The following AKAP11 variants were observed in gnomAD, a reference collection of about 807,000 sequenced individuals.
AKAP11 encodes A-kinase anchoring protein 11.
In AKAP11, 36 loss-of-function variants were observed where a neutral mutation model predicts 146.1. The ratio of observed to expected loss-of-function variants is 0.25; its 90% CI spans 0.19 to 0.33. The LOEUF (loss-of-function observed/expected upper bound fraction) is 0.33, where lower values mean the gene tolerates loss of function less well. Among genes scored for constraint, AKAP11 ranks in the 10% least tolerant of loss-of-function variants. The pLI, the probability that AKAP11 is intolerant of heterozygous loss-of-function variation, is 1.00. For synonymous variants in AKAP11, 780 were observed against 786.5 expected (o/e 0.99, Z 0.14); for missense variants, 2,201 against 2,197.0 (o/e 1.00, Z -0.04).
In AKAP11 at chr13:42,300,164, G is replaced by A; in HGVS notation, c.1418G>A (p.Gly473Asp). ...GAATGTTTTTGCCAAACAGATATTG[G>A]TGGAGATAGGATTCATGAAAATCAT... ...PAECFCQTDI[G>D]GDRIHENHDS... Residue 473 changes from glycine to aspartate, a missense_variant, in exon 8 of 13, where the codon GGT (glycine) becomes GAT (aspartate). Gly to Asp is a moderately conservative substitution (Grantham distance 94, BLOSUM62 -1). This residue lies in a region of AKAP11 where 1,867 missense variants were observed against 1,833.5 expected (regional missense o/e 1.02). Transcript: ENST00000025301. 6.2e-7 allele frequency: 1 copy of A among 1,613,918 alleles called. No individual in the cohort carries two copies. Among genetic ancestry groups the A allele is most frequent in the South Asian group, 1.1e-5 (1 of 91,068 alleles).
Position 42,301,516 on chromosome 13 carries a change from G to A in AKAP11, c.2770G>A (p.Ala924Thr), listed in dbSNP as rs867638322. ...KTPPFSHCDQ[A>T]VLQCSEASSN... ...CCCTCCATTTTCCCACTGTGATCAGGCAGTGCTGCAATGCAGTGAAGCTAG... is the reference window on the plus strand; with the variant it reads ...CCCTCCATTTTCCCACTGTGATCAGACAGTGCTGCAATGCAGTGAAGCTAG... Residue 924 changes from alanine (A) to threonine (T), a missense_variant, in exon 8 of 13, where the codon GCA becomes ACA. Ala to Thr is a moderately conservative substitution (Grantham distance 58). Coordinates refer to ENST00000025301, the MANE Select transcript of AKAP11 (RefSeq NM_016248.4). The A allele has an allele frequency of 1.2e-6, 2 of 1,613,946 alleles. No individual in the cohort carries two copies. Among genetic ancestry groups the A allele is most frequent in the African/African-American group, 2.7e-5 (2 of 74,908 alleles).
chr13:42,272,323 G>A (rs999983420), intron 1 of AKAP11, 95 bp downstream of exon 1: 1 of 152,202 alleles, frequency 6.6e-6, no homozygotes, highest in Non-Finnish European at 1.5e-5. Flanking sequence ...CCCGGCTCCG[G>A]CGCTCCAGCC....
chr13:42,314,501 TGAGA>T (rs1960722830), intron 11 of AKAP11, among the ~76,000 whole-genome samples: 1 of 151,474 alleles, frequency 6.6e-6, no homozygotes, highest in African/African-American at 2.4e-5. Context: ...TTTGACTATT[TGAGA>T]GAGATTAATT....
Position 42,319,436 on chromosome 13 carries a change from T to G in AKAP11, c.*208T>G, listed in dbSNP as rs573764773. 16 of 613,362 alleles carry G rather than the reference T, an allele frequency of 2.6e-5. No homozygotes were observed. In the African/African-American group the frequency reaches 3.0e-4, roughly 11 times the overall value. 38.0% of individuals were successfully genotyped at this position (613,362 alleles called of 1,614,324 possible). A position where few individuals can be genotyped will look rare whatever the true frequency, so the allele number is the denominator to read the frequency against. ...CTGTCAAAATACTACCTTCATTTAT[T>G]CTTCTATACACATGTGTAGTGTGTC... On this transcript the variant is annotated 3_prime_UTR_variant, in exon 13 of 13. Coordinates refer to ENST00000025301, the MANE Select transcript of AKAP11 (RefSeq NM_016248.4).
rs762355261 is a variant in AKAP11 at position 42,303,902 on chromosome 13, A to T, written c.5117+39A>T. On this transcript the variant is annotated intron_variant, in intron 8 of 12. Coordinates refer to ENST00000025301, the MANE Select transcript of AKAP11 (RefSeq NM_016248.4). The stretch of plus-strand genomic sequence containing the variant: ...TTCTTTTGGTTGTTAATGATAAATT[A>T]AAAAGATAAATGTGATCCTATATGT... The T allele has an allele frequency of 3.5e-5, 54 of 1,523,704 alleles. 1 individual carries two copies. In the South Asian group the frequency reaches 6.4e-4, roughly 18 times the overall value. 94.4% of individuals were successfully genotyped at this position (1,523,704 alleles called of 1,614,324 possible).
intron 4 of AKAP11, among the ~76,000 whole-genome samples, chr13:42,293,309 T>C (rs909223580): frequency 3.9e-5 from 6 of 152,154 alleles, no homozygotes; most frequent in African/African-American, 1.4e-4. Context: ...CATAAATCCA[T>C]TGTAAAGTTA....
intron 4 of AKAP11, 29 bp downstream of exon 4, chr13:42,292,530 C>G (rs1276825001): frequency 7.5e-7 from 1 of 1,338,844 alleles, no homozygotes; most frequent in South Asian, 1.4e-5. Context: ...TAAACCCTTT[C>G]CTAATAATGC....
intron 10 of AKAP11, among the ~76,000 whole-genome samples, chr13:42,313,636 T>G (rs924872541): frequency 3.9e-5 from 6 of 152,232 alleles, no homozygotes; most frequent in Non-Finnish European, 8.8e-5. Flanking sequence ...TTGAATATTA[T>G]GAAATTACAT....
intron 4 of AKAP11, among the ~76,000 whole-genome samples, chr13:42,293,531 T>C (rs1268823678): frequency 6.6e-6 from 1 of 152,252 alleles, no homozygotes; most frequent in African/African-American, 2.4e-5. Context: ...CTTTTTCATT[T>C]TACTTTAGCA....
intron 1 of AKAP11, among the ~76,000 whole-genome samples, chr13:42,282,983 GTTC>G (rs780663858): frequency 1.2e-4 from 19 of 152,124 alleles, no homozygotes; most frequent in South Asian, 6.2e-4. Flanking sequence ...CTGTATTTTT[GTTC>G]TTCTTGTGAA....
At position 42,295,696 on chromosome 13, in the gene AKAP11, T is replaced by C. The variant is rs1411680298; in HGVS notation, c.170T>C (p.Val57Ala). ...QQDEHANLTEVTFLGFNEETD... is the reference protein window; with the variant it reads ...QQDEHANLTEATFLGFNEETD... The stretch of plus-strand genomic sequence containing the variant: ...GAGGTTTATTTGTTCTTTACTCAGG[T>C]CACATTTCTGGGTTTTAATGAAGAG... Residue 57 changes from valine to alanine, a missense_variant and splice_region_variant, in exon 5 of 13, where the codon GTC becomes GCC. Around this residue, in one of 3 missense-constraint regions of AKAP11, gnomAD observed 331 missense variants for 347.4 expected, o/e 0.95. Coordinates refer to ENST00000025301, the MANE Select transcript of AKAP11 (RefSeq NM_016248.4). 1 of 1,612,360 alleles carries C rather than the reference T, an allele frequency of 6.2e-7. No individual in the cohort carries two copies. The highest frequency in any genetic ancestry group is 8.5e-7 in the Non-Finnish European group (1 of 1,179,354).
chr13:42,311,815 T>C (rs1594356739), intron 9 of AKAP11, among the ~76,000 whole-genome samples: 1 of 152,302 alleles, frequency 6.6e-6, no homozygotes, highest in East Asian at 1.9e-4. Flanking sequence ...TATCTGACAA[T>C]GAACTACATG....
chr13:42,309,963 C>G (rs1177579546), intron 9 of AKAP11, among the ~76,000 whole-genome samples: 1 of 152,108 alleles, frequency 6.6e-6, no homozygotes, highest in African/African-American at 2.4e-5. Context: ...AGTCGTCTTA[C>G]CGGTTTCTGT....
chr13:42,295,001 A>G (rs1253216655), intron 4 of AKAP11, among the ~76,000 whole-genome samples: 1 of 152,148 alleles, frequency 6.6e-6, no homozygotes, highest in Admixed American at 6.6e-5. Context: ...TTCTTTAGAA[A>G]GTCTGTTTAT....
chr13:42,312,978 C>T (rs1481089884), intron 9 of AKAP11, 69 bp from the exon 10 acceptor site: 3 of 1,317,218 alleles, frequency 2.3e-6, no homozygotes, highest in Non-Finnish European at 3.2e-6. Context: ...AGAAGCTGTT[C>T]CGAGGAAACA....
At chr13:42,281,330 C>T (rs1399763046) in intron 1 of AKAP11, among the ~76,000 whole-genome samples, 1 of 152,070 alleles carries the variant, frequency 6.6e-6, no homozygotes, top group African/African-American at 2.4e-5. Context: ...CCATGTAGAC[C>T]TGTTGAATTT....
At chr13:42,297,778 A>T (rs1959602261) in intron 6 of AKAP11, among the ~76,000 whole-genome samples, 1 of 152,030 alleles carries the variant, frequency 6.6e-6, no homozygotes, top group Non-Finnish European at 1.5e-5. Flanking sequence ...CAGAAAATTT[A>T]AAATTTGGAT....
rs1959668802 is a variant in AKAP11 at position 42,298,779 on chromosome 13, T to TCAAAGC, written c.601_606dup (p.Lys201_Pro202dup). 1 of 1,579,102 alleles carries TCAAAGC rather than the reference T, an allele frequency of 6.3e-7. No individual in the cohort carries two copies. On this transcript the variant is annotated inframe_insertion, in exon 7 of 13. Transcript: ENST00000025301. Reference sequence around the variant, plus strand: ...TGAGCACTTAGAAGAGGAAGAGACTTCAAAGCCATACAATGATGGTTTGTT... The same window carrying TCAAAGC: ...TGAGCACTTAGAAGAGGAAGAGACTTCAAAGCCAAAGCCATACAATGATGGTTTGTT...
intron 1 of AKAP11, among the ~76,000 whole-genome samples, chr13:42,274,939 G>A (rs1958877994): frequency 6.6e-6 from 1 of 152,188 alleles, no homozygotes; most frequent in Non-Finnish European, 1.5e-5. Flanking sequence ...ACCTCAAAAA[G>A]TTAGTGCGAA....
Sources: gnomAD v4.1 joint callset for allele counts (sites outside exome capture counted in the v4.1 genomes callset) on GRCh38, gnomAD v4.1.1 for gene constraint, gnomAD v4.1.1 regional missense constraint, MANE v1.5 for transcripts, NCBI Gene and HGNC (gene_info 2026-07-23, HGNC 2026-07-21) for gene names.